Variants in ASAH2 observed in about 807,000 individuals in gnomAD.
The protein encoded by ASAH2 is N-acylsphingosine amidohydrolase 2.
ASAH2 carries 58 observed loss-of-function variants against 82.9 expected under a neutral mutation model. The observed-to-expected ratio is 0.70, with a 90% CI of 0.57 to 0.87. ASAH2 has a LOEUF of 0.87. Ranked by LOEUF, ASAH2 falls within the 40% of genes least tolerant of loss-of-function variation. The pLI is 0.00. For missense variants in ASAH2, 779 were observed against 834.0 expected (o/e 0.93, Z 0.81); for synonymous variants, 276 against 289.7 (o/e 0.95, Z 0.48).
chr10:50,247,260 C>A (rs1419103787), intron 2 of ASAH2, among the ~76,000 whole-genome samples: 1 of 151,822 alleles, frequency 6.6e-6, no homozygotes, highest in Non-Finnish European at 1.5e-5. Flanking sequence ...TCAAGCGATT[C>A]TCCTGCCTTG....
At chr10:50,193,924 A>G (rs1347287597) in intron 18 of ASAH2, among the ~76,000 whole-genome samples, 11 of 151,282 alleles carry the variant, frequency 7.3e-5, no homozygotes, top group Non-Finnish European at 1.3e-4. Context: ...AATGATACCA[A>G]TTCCTATAAA....
intron 7 of ASAH2, among the ~76,000 whole-genome samples, chr10:50,221,693 T>C (rs1411037648): frequency 1.1e-4 from 12 of 104,518 alleles, no homozygotes; most frequent in African/African-American, 4.1e-4. Context: ...GATAGATAGA[T>C]GGATGGATAG....
In ASAH2 at chr10:50,245,446, C is replaced by G. The variant is rs750983912; in HGVS notation, c.136G>C (p.Gly46Arg). Residue 46 changes from glycine (G) to arginine (R), a missense_variant, in exon 3 of 21, where the codon GGC becomes CGC. Physicochemically the swap from Gly to Arg is moderately radical, Grantham distance 125. This residue lies in a region of ASAH2 where 759 missense variants were observed against 755.2 expected (regional missense o/e 1.00). Transcript: ENST00000682911. The stretch of plus-strand genomic sequence containing the variant: ...CTTTGGGTGGTTGAAAAAAAATGGC[C>G]TCCTAAATCTAAAACAGAATAAGAG... Reference protein sequence around the residue: ...GTIENHKDLGGHFFSTTQSPP... With the variant: ...GTIENHKDLGRHFFSTTQSPP... 6.2e-7 allele frequency: 1 copy of G among 1,612,440 alleles called. No individual in the cohort carries two copies. Among genetic ancestry groups the G allele is most frequent in the South Asian group, 1.1e-5 (1 of 90,938 alleles).
chr10:50,234,616 T>C (rs1846102500), intron 5 of ASAH2, 64 bp from the exon 6 acceptor site: 9 of 1,608,846 alleles, frequency 5.6e-6, no homozygotes, highest in Admixed American at 1.7e-5. Context: ...AATAACTTAG[T>C]CAATATAAAC....
intron 15 of ASAH2, 41 bp downstream of exon 15, chr10:50,203,599 A>G (rs1458203790): frequency 8.7e-7 from 1 of 1,143,828 alleles, no homozygotes; most frequent in Non-Finnish European, 1.3e-6. Context: ...CCTCTTCACC[A>G]AACATGAACA....
At chr10:50,229,759 G>C (rs1845980200) in intron 7 of ASAH2, among the ~76,000 whole-genome samples, 1 of 152,036 alleles carries the variant, frequency 6.6e-6, no homozygotes, top group African/African-American at 2.4e-5. Context: ...CCCCCATTTT[G>C]CCAGTTAATT....
Position 50,218,497 on chromosome 10 carries a change from T to C in ASAH2, c.1014+13A>G. ...TGAATCAAGATGAAGCTTTCAATGA[T>C]ATAAATTCTCACCTGTCCAGGTAGA... is the stretch of plus-strand genomic sequence containing the variant. On this transcript the variant is annotated intron_variant, in intron 8 of 20. Transcript: ENST00000682911. 1 of 1,613,740 alleles carries C rather than the reference T, an allele frequency of 6.2e-7. No homozygotes were observed. The highest frequency in any genetic ancestry group is 8.5e-7 in the Non-Finnish European group (1 of 1,179,698).
At chr10:50,244,161 T>C (rs954777650) in intron 3 of ASAH2, among the ~76,000 whole-genome samples, 3 of 152,238 alleles carry the variant, frequency 2.0e-5, no homozygotes, top group African/African-American at 7.2e-5. Context: ...GACGTTGTGC[T>C]GCTGGGGCTA....
intron 7 of ASAH2, 145 bp downstream of exon 7, chr10:50,233,039 C>T: frequency 1.3e-6 from 1 of 743,748 alleles, no homozygotes; most frequent in Non-Finnish European, 2.4e-6. Flanking sequence ...TGGCTGGACC[C>T]CAGTTGTGTC....
chr10:50,231,384 T>C (rs1269417000), intron 7 of ASAH2, among the ~76,000 whole-genome samples: 1 of 152,114 alleles, frequency 6.6e-6, no homozygotes, highest in African/African-American at 2.4e-5. Context: ...TCAAATGTCA[T>C]TTTCTCTTGG....
At chr10:50,239,590 G>A (rs1846241915) in intron 4 of ASAH2, among the ~76,000 whole-genome samples, 1 of 152,260 alleles carries the variant, frequency 6.6e-6, no homozygotes, top group Middle Eastern at 3.4e-3. Context: ...AAACACTTAA[G>A]TTTGAATCCC....
In ASAH2 at chr10:50,245,333, T is replaced by G. The variant is rs772877573; in HGVS notation, c.249A>C (p.Gln83His). The change falls in exon 3 of 21, where the codon CAA (glutamine) becomes CAC (histidine). Residue 83 changes from glutamine to histidine, a missense_variant. Physicochemically the swap from Gln to His is conservative, Grantham distance 24. Coordinates refer to ENST00000682911, the MANE Select transcript of ASAH2 (RefSeq NM_019893.4). ...CTGGGGTTAAAGGCACTGGAGAAGT[T>G]TGAGTGGCTGTGGAGCTCTGGGTGG... ...STATQSSTAT[Q>H]TSPVPLTPES... 1.2e-6 allele frequency: 2 copies of G among 1,613,794 alleles called. No individual in the cohort carries two copies. The highest frequency in any genetic ancestry group is 2.7e-5 in the African/African-American group (2 of 74,788).
intron 4 of ASAH2, among the ~76,000 whole-genome samples, chr10:50,237,397 G>A (rs540117079): frequency 7.9e-5 from 12 of 152,298 alleles, no homozygotes; most frequent in South Asian, 6.2e-4. Context: ...AGAAAACTGC[G>A]GCCCTAGCCA....
intron 8 of ASAH2, among the ~76,000 whole-genome samples, chr10:50,215,524 C>G (rs1450603253): frequency 1.3e-5 from 2 of 152,164 alleles, no homozygotes; most frequent in Non-Finnish European, 2.9e-5. Flanking sequence ...ATATGGCTAG[C>G]CAGTTTTCCC....
At chr10:50,235,004 A>G (rs1846118904) in intron 5 of ASAH2, among the ~76,000 whole-genome samples, 1 of 152,120 alleles carries the variant, frequency 6.6e-6, no homozygotes, top group Non-Finnish European at 1.5e-5. Context: ...ACAGTGAGAG[A>G]TACATTTTTC....
In ASAH2 at chr10:50,218,591, G is replaced by T. The variant is rs1055540757; in HGVS notation, c.933C>A (p.Asn311Lys). 307 of 1,613,672 alleles carry T rather than the reference G, an allele frequency of 1.9e-4. No individual in the cohort carries two copies. Among genetic ancestry groups the T allele is most frequent in the Non-Finnish European group, 2.4e-4 (287 of 1,179,762 alleles). ...AIHPVSMNNS[N>K]HLVNSDNVGY... ...CCACATTGTCACTGTTTACAAGATGGTTACTGTTGTTCATGCTGACCGGGT... is the reference window on the plus strand; with the variant it reads ...CCACATTGTCACTGTTTACAAGATGTTTACTGTTGTTCATGCTGACCGGGT... Residue 311 changes from asparagine (N) to lysine (K), a missense_variant, in exon 8 of 21, where the codon AAC becomes AAA. By Grantham distance (94) the Asn-to-Lys change is moderately conservative. Transcript: ENST00000682911.
At position 50,243,246 on chromosome 10, in the gene ASAH2, C is replaced by A. The variant is rs1846352393; in HGVS notation, c.466G>T (p.Val156Phe). 1 of 1,614,016 alleles carries A rather than the reference C, an allele frequency of 6.2e-7. No individual in the cohort carries two copies. The highest frequency in any genetic ancestry group is 1.7e-5 in the Admixed American group (1 of 60,008). ...EPDGSNRTVF[V>F]SIDIGMVSQR... is the part of the protein sequence containing the mutation. ...GATACCATGCCTATGTCGATGCTGA[C>A]AAACACTGTTCGATTGGACCCATCA... is the stretch of plus-strand genomic sequence containing the variant. The change falls in exon 4 of 21, where the codon GTC becomes TTC. Residue 156 changes from valine to phenylalanine, a missense_variant. Around this residue, in one of 3 missense-constraint regions of ASAH2, gnomAD observed 759 missense variants for 755.2 expected, o/e 1.00. Coordinates refer to ENST00000682911, the MANE Select transcript of ASAH2 (RefSeq NM_019893.4).
chr10:50,220,689 C>A (rs902072893), intron 7 of ASAH2, among the ~76,000 whole-genome samples: 2 of 151,802 alleles, frequency 1.3e-5, no homozygotes, highest in Non-Finnish European at 2.9e-5. Context: ...AATACCTGGG[C>A]GATGAAATAA....
At chr10:50,236,724 TATTGTTAAGCCC>T (rs1305860673) in intron 4 of ASAH2, among the ~76,000 whole-genome samples, 10 of 152,128 alleles carry the variant, frequency 6.6e-5, no homozygotes, top group Non-Finnish European at 1.3e-4. Flanking sequence ...GCTACACAAG[TATTGTTAAGCCC>T]ATTTTTAGCT....
Sources: gnomAD v4.1 joint callset for allele counts (sites outside exome capture counted in the v4.1 genomes callset) on GRCh38, gnomAD v4.1.1 for gene constraint, gnomAD v4.1.1 regional missense constraint, MANE v1.5 for transcripts, NCBI Gene and HGNC (gene_info 2026-07-23, HGNC 2026-07-21) for gene names.